SGCZ: variants seen among roughly 807,000 people sequenced by gnomAD.
SGCZ encodes zeta-sarcoglycan.
A neutral mutation model predicts 41.3 loss-of-function variants in SGCZ; 40 were observed. That is an observed-to-expected ratio of 0.97 (90% confidence interval 0.75 to 1.26). The LOEUF is 1.26. Ranked by LOEUF, SGCZ falls within the 50% of genes most tolerant of loss-of-function variation. The pLI, the probability that SGCZ is intolerant of heterozygous loss-of-function variation, is 0.00. For synonymous variants in SGCZ, 206 were observed against 137.5 expected (o/e 1.50, Z -3.49); for missense variants, 552 against 369.8 (o/e 1.49, Z -4.04).
intron 3 of SGCZ, among the ~76,000 whole-genome samples, chr8:14,284,475 T>C (rs1800556459): frequency 6.6e-6 from 1 of 152,208 alleles, no homozygotes; most frequent in Non-Finnish European, 1.5e-5. Flanking sequence ...ATATATCTAG[T>C]TTATCTTTTT....
At chr8:14,580,015 C>T (rs1804835835) in intron 1 of SGCZ, among the ~76,000 whole-genome samples, 1 of 152,148 alleles carries the variant, frequency 6.6e-6, no homozygotes, top group Non-Finnish European at 1.5e-5. Context: ...GGCTCTGAAG[C>T]ACTGAAGGCC....
chr8:14,909,782 A>C (rs755943609), intron 1 of SGCZ, among the ~76,000 whole-genome samples: 3 of 151,974 alleles, frequency 2.0e-5, no homozygotes, highest in Non-Finnish European at 4.4e-5. Flanking sequence ...TCTTCAAAGC[A>C]CTCTGGTTTG....
At chr8:14,820,958 G>A (rs1442980886) in intron 1 of SGCZ, among the ~76,000 whole-genome samples, 2 of 149,150 alleles carry the variant, frequency 1.3e-5, no homozygotes, top group South Asian at 4.2e-4. Context: ...ACTCAAAATT[G>A]GTTGAAGGAA....
intron 7 of SGCZ, among the ~76,000 whole-genome samples, chr8:14,095,267 T>A (rs1202858445): frequency 6.6e-6 from 1 of 152,194 alleles, no homozygotes; most frequent in African/African-American, 2.4e-5. Flanking sequence ...GTATTATGTT[T>A]AAGTTTTTAA....
intron 1 of SGCZ, among the ~76,000 whole-genome samples, chr8:14,755,171 T>TA (rs1165392998): frequency 2.0e-5 from 3 of 152,182 alleles, no homozygotes; most frequent in Admixed American, 6.5e-5. Flanking sequence ...TTGACCACTT[T>TA]AAAAAAATCT....
intron 3 of SGCZ, among the ~76,000 whole-genome samples, chr8:14,310,266 A>T (rs1801492027): frequency 6.6e-6 from 1 of 151,960 alleles, no homozygotes; most frequent in African/African-American, 2.4e-5. Flanking sequence ...TTTTTTCCTC[A>T]TGTAACATTG....
At chr8:14,579,440 G>A (rs1024767724) in intron 1 of SGCZ, among the ~76,000 whole-genome samples, 5 of 152,194 alleles carry the variant, frequency 3.3e-5, no homozygotes, top group African/African-American at 1.2e-4. Context: ...ATTGTATCTT[G>A]TACATTTTTT....
rs146949357 is a variant in SGCZ at position 14,214,847 on chromosome 8, C to A, written c.424+22745G>T. On this transcript the variant is annotated intron_variant, in intron 4 of 7. Transcript: ENST00000382080. ...TCATAAGCAGGTATGCACCAAATAA[C>A]AAATCTTCACAATATATGAAGTAAA... Among the ~76,000 whole-genome samples the A allele has an allele frequency of 7.6e-3, 1,153 of 152,090 alleles. 17 individuals carry two copies. Among genetic ancestry groups the A allele is most frequent in the African/African-American group, 0.027 (1,103 of 41,522 alleles).
chr8:14,977,059 G>C (rs993865670), intron 1 of SGCZ, among the ~76,000 whole-genome samples: 5 of 152,222 alleles, frequency 3.3e-5, no homozygotes, highest in Admixed American at 6.5e-5. Flanking sequence ...TGCCCACAAA[G>C]AAGTTTACTT....
chr8:14,317,757 G>T (rs979496998), intron 3 of SGCZ, among the ~76,000 whole-genome samples: 5 of 151,666 alleles, frequency 3.3e-5, no homozygotes, highest in Non-Finnish European at 5.9e-5. Context: ...TGTGATTTTT[G>T]CCATAAAAGT....
intron 1 of SGCZ, among the ~76,000 whole-genome samples, chr8:14,929,130 T>G (rs1341482412): frequency 6.6e-6 from 1 of 152,138 alleles, no homozygotes; most frequent in Non-Finnish European, 1.5e-5. Context: ...TAGCTGGGAC[T>G]AGAAGCGTGC....
chr8:14,244,398 C>A (rs1220712625), intron 3 of SGCZ, among the ~76,000 whole-genome samples: 1 of 152,090 alleles, frequency 6.6e-6, no homozygotes, highest in East Asian at 1.9e-4. Flanking sequence ...TACGTCATTC[C>A]TTTCCTTAAT....
chr8:14,914,826 G>C lies in SGCZ; in HGVS notation c.39+322759C>G, dbSNP rs138213896. Among the ~76,000 whole-genome samples, 863 of 152,266 alleles carry C rather than the reference G, an allele frequency of 5.7e-3. 9 individuals carry two copies. The highest frequency in any genetic ancestry group is 0.03 in the East Asian group (155 of 5,176). On this transcript the variant is annotated intron_variant, in intron 1 of 7. Coordinates refer to ENST00000382080, the MANE Select transcript of SGCZ (RefSeq NM_139167.4). The stretch of plus-strand genomic sequence containing the variant: ...TACACTGGAGAGCTACTGTGGGAAA[G>C]ATTGTTATGCAGGCACTTCAGAAGG...
At chr8:14,255,041 G>A (rs929562160) in intron 3 of SGCZ, among the ~76,000 whole-genome samples, 3 of 152,252 alleles carry the variant, frequency 2.0e-5, no homozygotes, top group East Asian at 3.9e-4. Context: ...GGGCATGGAG[G>A]TGGGTGGATG....
At chr8:14,284,981 G>T (rs1240520931) in intron 3 of SGCZ, among the ~76,000 whole-genome samples, 1 of 152,062 alleles carries the variant, frequency 6.6e-6, no homozygotes, top group Non-Finnish European at 1.5e-5. Flanking sequence ...GTCTATGAAA[G>T]GTGCCTCCAG....
At chr8:15,133,416 T>C (rs1356860488) in intron 1 of SGCZ, among the ~76,000 whole-genome samples, 1 of 152,176 alleles carries the variant, frequency 6.6e-6, no homozygotes, top group African/African-American at 2.4e-5. Context: ...CAGGTCATGA[T>C]TTCATAGCCC....
intron 1 of SGCZ, among the ~76,000 whole-genome samples, chr8:15,122,097 G>A (rs116435657): frequency 6.6e-6 from 1 of 151,790 alleles, no homozygotes; most frequent in Non-Finnish European, 1.5e-5. Context: ...TAAATTTGGA[G>A]GTTTGATAAA....
Position 14,414,475 on chromosome 8 carries a change from G to A in SGCZ, c.235-90271C>T, listed in dbSNP as rs1799443145. Among the ~76,000 whole-genome samples the A allele has an allele frequency of 2.0e-5, 3 of 151,876 alleles. 1 individual carries two copies. The highest frequency in any genetic ancestry group is 2.0e-4 in the Admixed American group (3 of 15,190). Reference sequence around the variant, plus strand: ...AGGATGGGTCTGAGGTATTTTAAATGTTATGTTTGGAACCTGCTTGAGATA... The same window carrying A: ...AGGATGGGTCTGAGGTATTTTAAATATTATGTTTGGAACCTGCTTGAGATA... On this transcript the variant is annotated intron_variant, in intron 2 of 7. Coordinates refer to ENST00000382080, the MANE Select transcript of SGCZ (RefSeq NM_139167.4).
chr8:14,751,118 C>T (rs1799486649), intron 1 of SGCZ, among the ~76,000 whole-genome samples: 1 of 152,030 alleles, frequency 6.6e-6, no homozygotes, highest in Non-Finnish European at 1.5e-5. Flanking sequence ...TAGATGTTAG[C>T]CTATTTTTAA....
Sources: allele counts gnomAD v4.1 joint callset (sites outside exome capture counted in the v4.1 genomes callset), GRCh38; gene constraint gnomAD v4.1.1; transcripts MANE v1.5; gene names NCBI Gene and HGNC (gene_info 2026-07-23, HGNC 2026-07-21).